The following OTOGL variants were observed in gnomAD, a reference collection of about 807,000 sequenced individuals.
OTOGL encodes the protein otogelin like.
OTOGL carries 285 observed loss-of-function variants against 318.5 expected under a neutral mutation model. That is an observed-to-expected ratio of 0.89 (90% CI 0.81 to 0.99). The LOEUF (loss-of-function observed/expected upper bound fraction) is 0.99. OTOGL is among the 50% of genes least tolerant of loss of function. The pLI, the probability that OTOGL is intolerant of heterozygous loss-of-function variation, is 0.00. For missense variants in OTOGL, 2,899 were observed against 2,845.6 expected, an observed-to-expected ratio of 1.02 and a Z score of -0.43; for synonymous variants, 987 against 936.5, an observed-to-expected ratio of 1.05 and a Z score of -0.99.
At chr12:80,313,410 G>C in intron 30 of OTOGL, 66 bp from the exon 31 acceptor site, 1 of 1,443,106 alleles carries the variant, frequency 6.9e-7, no homozygotes, top group Non-Finnish European at 9.5e-7. Context: ...TAGTTTTTTA[G>C]ACGGTTGACT....
rs2137737853 is a variant in OTOGL, at chr12:80,302,738, G to A, written c.3168G>A (p.Trp1056Ter). Residue 1056 changes from tryptophan (W) to a stop codon, truncating the protein, a stop_gained, in exon 28 of 59, where the codon TGG becomes TGA. Transcript: ENST00000547103. LOFTEE classifies it high-confidence loss of function. ...YFPEKDITIL[W>*]DRKTTIHIKV... ...CAGAGAAAGATATCACTATTCTTTG[G>A]GATAGGAAGACAACTATTCATATCA... 1 of 1,541,532 alleles carries A rather than the reference G, an allele frequency of 6.5e-7. No homozygotes were observed. The highest frequency in any genetic ancestry group is 8.7e-7 in the Non-Finnish European group (1 of 1,148,822).
intron 52 of OTOGL, among the ~76,000 whole-genome samples, chr12:80,360,462 C>T (rs1349439): frequency 0.72 from 85,877 of 119,090 alleles, 32,152 homozygotes; most frequent in Non-Finnish European, 0.83. Flanking sequence ...CTCTTTCCCT[C>T]TCTCTCCTCT....
intron 52 of OTOGL, among the ~76,000 whole-genome samples, chr12:80,366,044 T>C (rs1890507463): frequency 6.6e-6 from 1 of 152,122 alleles, no homozygotes; most frequent in African/African-American, 2.4e-5. Flanking sequence ...TCTTTACATA[T>C]ATTGATCCAT....
intron 1 of OTOGL, among the ~76,000 whole-genome samples, chr12:80,140,849 G>T (rs1871886683): frequency 6.6e-6 from 1 of 152,096 alleles, no homozygotes; most frequent in Non-Finnish European, 1.5e-5. Context: ...TGGTATCTTT[G>T]TAAATATATA....
chr12:80,116,207 G>C (rs371220687), intron 1 of OTOGL, among the ~76,000 whole-genome samples: 2 of 152,300 alleles, frequency 1.3e-5, no homozygotes, highest in South Asian at 4.1e-4. Flanking sequence ...CTCCTGGTCT[G>C]TGGGTTACGA....
At chr12:80,310,853 A>G (rs1027317842) in intron 30 of OTOGL, 126 bp downstream of exon 30, 4 of 670,530 alleles carry the variant, frequency 6.0e-6, no homozygotes, top group African/African-American at 1.8e-5. Flanking sequence ...AACTATTGTT[A>G]GGGGGGCATA....
chr12:80,209,411 A>G lies in OTOGL; in HGVS notation c.-19-2A>G. The G allele has an allele frequency of 6.9e-7, 1 of 1,441,952 alleles. No homozygotes were observed. The allele number at this position is 1,441,952 out of a possible 1,614,324, so 89.3% of individuals were successfully genotyped here. On this transcript the variant is annotated splice_acceptor_variant, in intron 1 of 58. Transcript: ENST00000547103. LOFTEE classifies it low-confidence loss of function (5UTR_SPLICE). The stretch of plus-strand genomic sequence containing the variant: ...AAGACCATCAATTTGGTTACATTTC[A>G]GGGGGAAAGGCTACACTGAAATGAA...
intron 24 of OTOGL, among the ~76,000 whole-genome samples, chr12:80,272,342 ATGTGTGTGTGTGTGTGTGTGTG>A (rs56364698): frequency 5.5e-5 from 8 of 145,500 alleles, no homozygotes; most frequent in South Asian, 2.3e-4. Flanking sequence ...AGGCATTGTG[ATGTGTGTGTGTGTGTGTGTGTG>A]TGTGTGTGTG....
At chr12:80,256,636 T>C (rs1236078871) in intron 17 of OTOGL, among the ~76,000 whole-genome samples, 176 bp downstream of exon 17, 1 of 152,070 alleles carries the variant, frequency 6.6e-6, no homozygotes, top group Non-Finnish European at 1.5e-5. Flanking sequence ...TGATTATGTT[T>C]ATGGGACCTA....
intron 1 of OTOGL, among the ~76,000 whole-genome samples, chr12:80,125,439 C>A (rs1322102337): frequency 1.3e-5 from 2 of 152,184 alleles, no homozygotes; most frequent in African/African-American, 4.8e-5. Context: ...ATTCAGTTTG[C>A]CAGTATTTTA....
intron 1 of OTOGL, among the ~76,000 whole-genome samples, chr12:80,145,982 A>T (rs1478494349): frequency 1.3e-5 from 2 of 150,752 alleles, no homozygotes; most frequent in Non-Finnish European, 2.9e-5. Flanking sequence ...TTTTCTAGAT[A>T]TACAATCATG....
chr12:80,334,234 A>T (rs1461233390), intron 38 of OTOGL, among the ~76,000 whole-genome samples: 4 of 152,156 alleles, frequency 2.6e-5, no homozygotes, highest in Admixed American at 6.5e-5. Flanking sequence ...AGGTAGAAAG[A>T]TTACATGTGA....
intron 7 of OTOGL, among the ~76,000 whole-genome samples, chr12:80,227,384 T>TC (rs1315949772): frequency 2.5e-4 from 38 of 152,326 alleles, no homozygotes; most frequent in African/African-American, 8.9e-4. Context: ...TTTGGGTTTT[T>TC]CTAAATTGTT....
chr12:80,232,643 G>GT (rs1879471392), intron 8 of OTOGL, among the ~76,000 whole-genome samples: 1 of 152,208 alleles, frequency 6.6e-6, no homozygotes, highest in African/African-American at 2.4e-5. Context: ...GCATCTAATT[G>GT]TAAGTACAAA....
At chr12:80,330,804 C>CA (rs897190428) in intron 37 of OTOGL, among the ~76,000 whole-genome samples, 1 of 151,966 alleles carries the variant, frequency 6.6e-6, no homozygotes, top group African/African-American at 2.4e-5. Flanking sequence ...GAGCAATACA[C>CA]AAAAATCGAT....
rs114314333 is a variant in OTOGL, at chr12:80,206,304, T to A, written c.-19-3109T>A. Among the ~76,000 whole-genome samples, 1,137 of 152,328 alleles carry A rather than the reference T, an allele frequency of 7.5e-3. 19 individuals carry two copies. Among genetic ancestry groups the A allele is most frequent in the African/African-American group, 0.026 (1,070 of 41,576 alleles). On this transcript the variant is annotated intron_variant, in intron 1 of 58. Coordinates refer to ENST00000547103, the MANE Select transcript of OTOGL (RefSeq NM_001378609.3). ...TGCTTATTTTCATGCAGGCTACCAT[T>A]TCATATATCGAGTTCATAATGTAGT...
At chr12:80,231,220 A>G (rs1410861834) in intron 8 of OTOGL, among the ~76,000 whole-genome samples, 1 of 152,152 alleles carries the variant, frequency 6.6e-6, no homozygotes, top group East Asian at 1.9e-4. Context: ...AACAATTGGT[A>G]TTTCTTTAAT....
At chr12:80,192,371 C>T (rs1875753600) in intron 1 of OTOGL, among the ~76,000 whole-genome samples, 1 of 152,228 alleles carries the variant, frequency 6.6e-6, no homozygotes, top group Admixed American at 6.5e-5. Context: ...AGCCTAAGAT[C>T]AGGCAGGGAC....
At chr12:80,373,821 G>A (rs550593129) in intron 57 of OTOGL, among the ~76,000 whole-genome samples, 2 of 152,120 alleles carry the variant, frequency 1.3e-5, no homozygotes, top group East Asian at 3.9e-4. Context: ...AATCTACTGC[G>A]GGTCTCATTT....
Sources: gnomAD v4.1 joint callset for allele counts (sites outside exome capture counted in the v4.1 genomes callset) on GRCh38, gnomAD v4.1.1 for gene constraint, MANE v1.5 for transcripts, NCBI Gene and HGNC (gene_info 2026-07-23, HGNC 2026-07-21) for gene names.